STEAP1B: variants seen among roughly 807,000 people sequenced by gnomAD.
STEAP1B encodes the protein STEAP family member 1B.
In STEAP1B, 13 loss-of-function variants were observed where a neutral mutation model predicts 27.9. That is an observed-to-expected ratio of 0.47 (90% CI 0.30 to 0.74). The LOEUF (loss-of-function observed/expected upper bound fraction) is 0.74. Ranked by LOEUF, STEAP1B falls within the 30% of genes least tolerant of loss-of-function variation. The probability of loss-of-function intolerance (pLI) is 0.06; values close to 1 mark genes in which losing one functional copy is unlikely to be tolerated. For synonymous variants in STEAP1B, 86 were observed against 107.1 expected (o/e 0.80, Z 1.22); for missense variants, 250 against 298.7 (o/e 0.84, Z 1.20).
chr7:22,438,456 A>G lies in STEAP1B; in HGVS notation c.763-18620T>C, dbSNP rs774642431. On this transcript the variant is annotated intron_variant, in intron 4 of 4. Coordinates refer to ENST00000678116, the MANE Select transcript of STEAP1B (RefSeq NM_001382447.1). ...GGTCTGCAAGTATGTAAGATGTATG[A>G]GCAGGGAACAAGGTTCTCACTTTCA... The G allele has an allele frequency of 7.8e-6, 12 of 1,533,838 alleles. No individual in the cohort carries two copies. In the South Asian group the frequency reaches 1.1e-4, roughly 14 times the overall value.
intron 4 of STEAP1B, among the ~76,000 whole-genome samples, chr7:22,477,277 A>C (rs1208381657): frequency 1.3e-5 from 2 of 152,080 alleles, no homozygotes; most frequent in African/African-American, 4.8e-5. Context: ...TTCCTCTTTG[A>C]TCCCTCTTGC....
At chr7:22,495,361 C>T (rs935828872) in intron 1 of STEAP1B, 1 of 152,128 alleles carries the variant, frequency 6.6e-6, no homozygotes, top group Non-Finnish European at 1.5e-5. Flanking sequence ...TTTCAGAGTA[C>T]CATTTTTCTT....
At chr7:22,498,741 A>G (rs1273755302) in intron 1 of STEAP1B, among the ~76,000 whole-genome samples, 3 of 152,360 alleles carry the variant, frequency 2.0e-5, no homozygotes, top group African/African-American at 7.2e-5. Flanking sequence ...GAAAAGGCTC[A>G]GCGCTGTCTT....
rs1256883288 is a variant in STEAP1B at position 22,493,386 on chromosome 7, T to C, written c.535A>G (p.Thr179Ala). The C allele has an allele frequency of 6.2e-7, 1 of 1,614,026 alleles. No homozygotes were observed. Among genetic ancestry groups the C allele is most frequent in the African/African-American group, 1.3e-5 (1 of 74,922 alleles). ...GATCGCCTCATTGCGTAAGACAGAGTATAAATTGCATGCAGTACAGCAAAA... is the reference window on the plus strand; with the variant it reads ...GATCGCCTCATTGCGTAAGACAGAGCATAAATTGCATGCAGTACAGCAAAA... ...LFFAVLHAIY[T>A]LSYAMRRSYR... Residue 179 changes from threonine to alanine, a missense_variant, in exon 3 of 5, where the codon ACT (threonine) becomes GCT (alanine). By Grantham distance (58) the Thr-to-Ala change is moderately conservative. Coordinates refer to ENST00000678116, the MANE Select transcript of STEAP1B (RefSeq NM_001382447.1).
intron 4 of STEAP1B, among the ~76,000 whole-genome samples, chr7:22,430,603 C>T (rs966189567): frequency 2.0e-5 from 3 of 152,158 alleles, no homozygotes; most frequent in East Asian, 1.9e-4. Context: ...TGACTGGAAC[C>T]GTGGGCTGAG....
chr7:22,479,679 C>CTT (rs569050091), intron 4 of STEAP1B, among the ~76,000 whole-genome samples: 5,044 of 92,056 alleles, frequency 0.055, 369 homozygotes, highest in East Asian at 0.16. Flanking sequence ...TCATGTGTGG[C>CTT]TTTTTTTTTT....
intron 4 of STEAP1B, among the ~76,000 whole-genome samples, chr7:22,429,757 T>G (rs1040749941): frequency 9.2e-5 from 14 of 152,164 alleles, no homozygotes; most frequent in African/African-American, 3.4e-4. Context: ...TCGTTGAAAC[T>G]CCTGAAAACA....
chr7:22,420,960 T>C (rs1165362943), intron 4 of STEAP1B, among the ~76,000 whole-genome samples: 1 of 152,216 alleles, frequency 6.6e-6, no homozygotes, highest in African/African-American at 2.4e-5. Flanking sequence ...AGTCTGGCTC[T>C]CACATGTGTA....
At chr7:22,453,731 C>T (rs536743181) in intron 4 of STEAP1B, among the ~76,000 whole-genome samples, 3 of 152,332 alleles carry the variant, frequency 2.0e-5, no homozygotes, top group Admixed American at 2.0e-4. Context: ...CTAGATGTAA[C>T]CACTATTCTG....
At chr7:22,499,218 A>C (rs1287493596) in intron 1 of STEAP1B, among the ~76,000 whole-genome samples, 3 of 152,222 alleles carry the variant, frequency 2.0e-5, no homozygotes, top group African/African-American at 7.2e-5. Flanking sequence ...TGGTGTTCCT[A>C]AATGTTGGCA....
intron 4 of STEAP1B, among the ~76,000 whole-genome samples, chr7:22,423,011 A>G (rs989385512): frequency 6.6e-6 from 1 of 152,248 alleles, no homozygotes; most frequent in African/African-American, 2.4e-5. Context: ...CAATAAAAAG[A>G]CATCACAAAC....
At chr7:22,473,661 G>A (rs1396354173) in intron 4 of STEAP1B, among the ~76,000 whole-genome samples, 1 of 152,178 alleles carries the variant, frequency 6.6e-6, no homozygotes, top group African/African-American at 2.4e-5. Context: ...CGACGAACTG[G>A]TAGTTCTGGA....
chr7:22,462,315 T>C (rs1240113266), intron 4 of STEAP1B, among the ~76,000 whole-genome samples: 2 of 148,590 alleles, frequency 1.3e-5, no homozygotes, highest in African/African-American at 2.5e-5. Flanking sequence ...TGTGCCATGC[T>C]GGTGTGCTGC....
chr7:22,437,273 G>A (rs933474109), intron 4 of STEAP1B, among the ~76,000 whole-genome samples: 1 of 151,998 alleles, frequency 6.6e-6, no homozygotes, highest in Admixed American at 6.6e-5. Context: ...CCTCTCCCTC[G>A]TTCCTAATAA....
At chr7:22,476,816 A>G (rs1368173709) in intron 4 of STEAP1B, among the ~76,000 whole-genome samples, 1 of 152,148 alleles carries the variant, frequency 6.6e-6, no homozygotes, top group Non-Finnish European at 1.5e-5. Context: ...GACAAACATC[A>G]TGGCTGTACT....
At chr7:22,463,751 A>G (rs28552708) in intron 4 of STEAP1B, among the ~76,000 whole-genome samples, 4,626 of 152,168 alleles carry the variant, frequency 0.03, 147 homozygotes, top group Admixed American at 0.089. Flanking sequence ...CTGGCTAGCC[A>G]TATGTAGAAA....
At chr7:22,455,058 T>A (rs3114722) in intron 4 of STEAP1B, among the ~76,000 whole-genome samples, 59,583 of 151,110 alleles carry the variant, frequency 0.39, 11,823 homozygotes, top group South Asian at 0.48. Flanking sequence ...AGAGATGAGG[T>A]TTCACCACAT....
intron 4 of STEAP1B, chr7:22,492,349 G>GAAAAAAAAAAAAAAAAAAAAAAAAAAA (rs1371957621): frequency 5.4e-6 from 1 of 185,130 alleles, no homozygotes; most frequent in Non-Finnish European, 9.1e-6. Flanking sequence ...AAAAAAAAAG[G>GAAAAAAAAAAAAAAAAAAAAAAAAAAA]ATATTTTAAT....
At chr7:22,433,305 T>C (rs1339598180) in intron 4 of STEAP1B, among the ~76,000 whole-genome samples, 1 of 144,234 alleles carries the variant, frequency 6.9e-6, no homozygotes, top group African/African-American at 2.6e-5. Flanking sequence ...CTCCACATAA[T>C]GACTCATTGT....
Sources: gnomAD v4.1 joint callset for allele counts (sites outside exome capture counted in the v4.1 genomes callset) on GRCh38, gnomAD v4.1.1 for gene constraint, MANE v1.5 for transcripts, NCBI Gene and HGNC (gene_info 2026-07-23, HGNC 2026-07-21) for gene names.